DSG1: variants seen among roughly 807,000 people sequenced by gnomAD.
DSG1 encodes desmoglein 1.
A neutral mutation model predicts 97.5 loss-of-function variants in DSG1; 39 were observed. The ratio of observed to expected loss-of-function variants is 0.40; its 90% confidence interval spans 0.31 to 0.52. The LOEUF is 0.52. DSG1 is among the 20% of genes least tolerant of loss of function. The pLI is 0.53. For missense variants in DSG1, 1,311 were observed against 1,295.4 expected (o/e 1.01, Z -0.18); for synonymous variants, 475 against 443.4 (o/e 1.07, Z -0.90).
chr18:31,335,216 A>G (rs1345381377), intron 8 of DSG1, among the ~76,000 whole-genome samples: 2 of 152,252 alleles, frequency 1.3e-5, no homozygotes, highest in African/African-American at 4.8e-5. Context: ...TCCATATTGC[A>G]GATAAAGACA....
intron 7 of DSG1, 76 bp downstream of exon 7, chr18:31,333,799 G>A: frequency 6.5e-7 from 1 of 1,544,594 alleles, no homozygotes; most frequent in South Asian, 1.1e-5. Flanking sequence ...TCTGCTTACA[G>A]AGGCACATGT....
intron 14 of DSG1, among the ~76,000 whole-genome samples, chr18:31,347,488 T>A (rs1428618800): frequency 6.6e-6 from 1 of 152,192 alleles, no homozygotes; most frequent in African/African-American, 2.4e-5. Flanking sequence ...TCTGGTATTG[T>A]TCATTATGCA....
intron 10 of DSG1, among the ~76,000 whole-genome samples, chr18:31,338,819 A>C (rs1236680175): frequency 6.6e-6 from 1 of 152,234 alleles, no homozygotes; most frequent in Non-Finnish European, 1.5e-5. Context: ...CAGGATTAGC[A>C]TAGTTGAGCT....
At position 31,357,733 on chromosome 18, in the gene DSG1, T is replaced by C. The variant is rs1419444034; in HGVS notation, c.*2387T>C. 6.6e-6 allele frequency among the ~76,000 whole-genome samples: 1 copy of C among 151,934 alleles called. No individual in the cohort carries two copies. Among genetic ancestry groups the C allele is most frequent in the South Asian group, 2.1e-4 (1 of 4,824 alleles). Reference sequence around the variant, plus strand: ...GCCATTTGAGTCATTGAGTCATCTATCTTTCTAGGAAGATACTTTCTAACC... The same window carrying C: ...GCCATTTGAGTCATTGAGTCATCTACCTTTCTAGGAAGATACTTTCTAACC... On this transcript the variant is annotated 3_prime_UTR_variant, in exon 15 of 15. Transcript: ENST00000257192.
chr18:31,318,801 TA>T (rs1443902636), intron 1 of DSG1, among the ~76,000 whole-genome samples: 2 of 152,152 alleles, frequency 1.3e-5, no homozygotes, highest in East Asian at 3.8e-4. Context: ...CCACATAATT[TA>T]AAATCGTAGC....
Position 31,354,632 on chromosome 18 carries a change from C to T in DSG1, c.2436C>T (p.Ser812=). ...HFGTTTVISE[S]TYPSGPGVLH... is the part of the protein sequence containing the mutation. ...GCACTACCACAGTAATTTCTGAGAG[C>T]ACCTATCCCTCGGGACCTGGTGTAC... is the stretch of plus-strand genomic sequence containing the variant. Residue 812 remains serine, a synonymous_variant, in exon 15 of 15, where the codon AGC becomes AGT. Transcript: ENST00000257192. The T allele has an allele frequency of 6.2e-7, 1 of 1,614,158 alleles. No homozygotes were observed. The highest frequency in any genetic ancestry group is 8.5e-7 in the Non-Finnish European group (1 of 1,180,028).
chr18:31,353,618 C>T (rs1425923651), intron 14 of DSG1, among the ~76,000 whole-genome samples: 8 of 151,970 alleles, frequency 5.3e-5, no homozygotes, highest in Non-Finnish European at 1.2e-4. Context: ...TAGCAATCAG[C>T]GAGACTCCGT....
In DSG1 at chr18:31,339,889, C is replaced by T. The variant is rs780601466; in HGVS notation, c.1551C>T (p.Thr517=). 4.0e-5 allele frequency: 65 copies of T among 1,613,918 alleles called. No individual in the cohort carries two copies. Among genetic ancestry groups the T allele is most frequent in the Non-Finnish European group, 5.2e-5 (61 of 1,179,984 alleles). ...QESTSSTNYD[T]STTSTDSSQV... ...GTACTTCTTCCACTAACTATGATAC[C>T]AGCACAACTTCTACTGACTCTAGCC... The change falls in exon 11 of 15, where the codon ACC becomes ACT. Residue 517 remains threonine, a synonymous_variant. Coordinates refer to ENST00000257192, the MANE Select transcript of DSG1 (RefSeq NM_001942.4).
chr18:31,321,333 A>G (rs1289851673), intron 1 of DSG1, among the ~76,000 whole-genome samples: 2 of 152,136 alleles, frequency 1.3e-5, no homozygotes, highest in Non-Finnish European at 2.9e-5. Flanking sequence ...AGAAGAACTA[A>G]CAAATTAGTA....
intron 4 of DSG1, among the ~76,000 whole-genome samples, chr18:31,328,672 T>G (rs2144090036): frequency 6.6e-6 from 1 of 152,244 alleles, no homozygotes; most frequent in Non-Finnish European, 1.5e-5. Context: ...TTAAGTCTAA[T>G]GTCAAGTAAT....
intron 14 of DSG1, among the ~76,000 whole-genome samples, chr18:31,350,810 T>C (rs1325240057): frequency 6.6e-6 from 1 of 150,864 alleles, no homozygotes; most frequent in African/African-American, 2.4e-5. Flanking sequence ...GGATCAGTGG[T>C]GATATCCCCT....
intron 8 of DSG1, among the ~76,000 whole-genome samples, 193 bp from the exon 9 acceptor site, chr18:31,336,161 T>C (rs1350748124): frequency 6.6e-6 from 1 of 152,174 alleles, no homozygotes; most frequent in African/African-American, 2.4e-5. Flanking sequence ...GGGAATTGAA[T>C]TGTTTCTTAC....
At position 31,333,623 on chromosome 18, in the gene DSG1, C is replaced by G. The variant is rs1339975039; in HGVS notation, c.719C>G (p.Ser240Cys). The stretch of plus-strand genomic sequence containing the variant: ...CAGTATGCTCTTGCTGTAAGAGGCT[C>G]TGACCGAGATGGCGGGGCAGATGGC... ...YGQYALAVRG[S>C]DRDGGADGMS... The change falls in exon 7 of 15, where the codon TCT becomes TGT. Residue 240 changes from serine (S) to cysteine (C), a missense_variant. By Grantham distance (112) the Ser-to-Cys change is moderately radical (BLOSUM62 -1). Transcript: ENST00000257192. 6.2e-7 allele frequency: 1 copy of G among 1,613,844 alleles called. No individual in the cohort carries two copies. Among genetic ancestry groups the G allele is most frequent in the South Asian group, 1.1e-5 (1 of 91,062 alleles).
intron 14 of DSG1, among the ~76,000 whole-genome samples, chr18:31,352,939 T>C (rs1363692128): frequency 7.0e-6 from 1 of 141,920 alleles, no homozygotes; most frequent in Non-Finnish European, 1.5e-5. Context: ...CTCAGAGTAA[T>C]TTGATCGTCT....
At chr18:31,327,261 G>A (rs539173889) in intron 3 of DSG1, among the ~76,000 whole-genome samples, 166 of 152,170 alleles carry the variant, frequency 1.1e-3, no homozygotes, top group African/African-American at 3.9e-3. Context: ...CCAAACTCCA[G>A]ATGAAAAAAG....
intron 1 of DSG1, among the ~76,000 whole-genome samples, chr18:31,322,023 A>G (rs2071656909): frequency 6.6e-6 from 1 of 152,180 alleles, no homozygotes; most frequent in African/African-American, 2.4e-5. Flanking sequence ...AATTCCTTCA[A>G]TAGACTTAGA....
rs568289571 is a variant in DSG1, at chr18:31,323,087, T to C, written c.49-3494T>C. Among the ~76,000 whole-genome samples the C allele has an allele frequency of 2.6e-5, 4 of 152,308 alleles. No homozygotes were observed. In the East Asian group the frequency reaches 7.7e-4, roughly 29 times the overall value. On this transcript the variant is annotated intron_variant, in intron 1 of 14. Coordinates refer to ENST00000257192, the MANE Select transcript of DSG1 (RefSeq NM_001942.4). ...GGACTAGAGGGGACTTTTAGTCTCA[T>C]ATACAGCTGAGGAAACTGAGCACAG...
intron 14 of DSG1, among the ~76,000 whole-genome samples, chr18:31,348,970 T>C (rs2071869347): frequency 1.4e-5 from 1 of 70,410 alleles, no homozygotes; most frequent in Non-Finnish European, 2.7e-5. Flanking sequence ...TTTAGTTTAA[T>C]TAGATCCCAT....
In DSG1 at chr18:31,336,554, T is replaced by C. The variant is rs752724560; in HGVS notation, c.1206T>C (p.Asp402=). ...YVVTGNMGSN[D]KVGDFVATDL... is the part of the protein sequence containing the mutation. ...TAACTGGTAATATGGGATCAAATGA[T>C]AAAGTGGGAGACTTTGTAGCTACTG... The change falls in exon 9 of 15, where the codon GAT becomes GAC. Residue 402 remains aspartate, a synonymous_variant. Transcript: ENST00000257192. 9.3e-6 allele frequency: 15 copies of C among 1,613,958 alleles called. No individual in the cohort carries two copies. Among genetic ancestry groups the C allele is most frequent in the Middle Eastern group, 3.3e-4 (2 of 6,082 alleles).
Sources: allele counts gnomAD v4.1 joint callset (sites outside exome capture counted in the v4.1 genomes callset), GRCh38; gene constraint gnomAD v4.1.1; transcripts MANE v1.5; gene names NCBI Gene and HGNC (gene_info 2026-07-23, HGNC 2026-07-21).